Variants in MPPED2 observed in about 807,000 individuals in gnomAD.
MPPED2 encodes metallophosphoesterase domain containing 2, also known as metallophosphoesterase MPPED2.
Under a neutral mutation model 33.0 loss-of-function variants are expected in MPPED2, and 5 were observed. The ratio of observed to expected loss-of-function variants is 0.15; its 90% CI spans 0.08 to 0.32. The LOEUF (loss-of-function observed/expected upper bound fraction) is 0.32. MPPED2 is among the 10% of genes least tolerant of loss of function. The pLI is 1.00. For synonymous variants in MPPED2, 136 were observed against 141.9 expected (o/e 0.96, Z 0.29); for missense variants, 275 against 372.1 (o/e 0.74, Z 2.15).
At chr11:30,479,073 G>A (rs552290486) in intron 4 of MPPED2, among the ~76,000 whole-genome samples, 1 of 152,146 alleles carries the variant, frequency 6.6e-6, no homozygotes, top group South Asian at 2.1e-4. Context: ...TTCCCAGAGG[G>A]CCTGGACAAG....
chr11:30,419,934 T>TA (rs1948538851), intron 4 of MPPED2, among the ~76,000 whole-genome samples: 1 of 152,172 alleles, frequency 6.6e-6, no homozygotes, highest in Non-Finnish European at 1.5e-5. Context: ...TAAGGGCCAA[T>TA]AAAATCTTGT....
At chr11:30,529,812 C>T (rs1423458863) in intron 3 of MPPED2, among the ~76,000 whole-genome samples, 4 of 152,156 alleles carry the variant, frequency 2.6e-5, no homozygotes, top group South Asian at 4.1e-4. Context: ...TGTCTGCAAT[C>T]TGGGATGTTG....
intron 3 of MPPED2, among the ~76,000 whole-genome samples, chr11:30,521,835 C>T (rs1953893266): frequency 6.6e-6 from 1 of 152,076 alleles, no homozygotes; most frequent in Non-Finnish European, 1.5e-5. Context: ...AGATACTGCC[C>T]CTTGGAGCTC....
At chr11:30,429,643 G>A (rs1043936686) in intron 4 of MPPED2, among the ~76,000 whole-genome samples, 7 of 152,232 alleles carry the variant, frequency 4.6e-5, no homozygotes, top group Admixed American at 2.6e-4. Flanking sequence ...CTGGCAGGGC[G>A]CTCTGGGGAG....
intron 4 of MPPED2, among the ~76,000 whole-genome samples, chr11:30,435,168 T>C (rs1038509324): frequency 2.0e-5 from 3 of 152,218 alleles, no homozygotes; most frequent in Admixed American, 6.5e-5. Context: ...TTCCTTATTT[T>C]GCCAGTGTTT....
chr11:30,550,410 T>C (rs1186019927), intron 2 of MPPED2, among the ~76,000 whole-genome samples: 1 of 152,182 alleles, frequency 6.6e-6, no homozygotes, highest in Non-Finnish European at 1.5e-5. Flanking sequence ...AAATGTTTGC[T>C]TCCAGAGCCA....
intron 4 of MPPED2, among the ~76,000 whole-genome samples, chr11:30,480,900 C>A (rs939112442): frequency 3.9e-5 from 6 of 152,140 alleles, no homozygotes; most frequent in African/African-American, 1.2e-4. Context: ...CACACTCTAT[C>A]TCCACAGGTA....
intron 4 of MPPED2, among the ~76,000 whole-genome samples, chr11:30,424,031 T>TTCGCTCAC (rs1303493515): frequency 5.9e-5 from 9 of 152,282 alleles, no homozygotes; most frequent in African/African-American, 1.9e-4. Context: ...CAGAAAGCCA[T>TTCGCTCAC]TCGCTCACTC....
chr11:30,425,228 C>CT (rs1565054526), intron 4 of MPPED2, among the ~76,000 whole-genome samples: 2 of 152,130 alleles, frequency 1.3e-5, no homozygotes, highest in Non-Finnish European at 2.9e-5. Flanking sequence ...ACGTGGACAT[C>CT]TTTACAAACA....
At chr11:30,398,741 A>AC (rs1947868774) in intron 6 of MPPED2, among the ~76,000 whole-genome samples, 1 of 152,180 alleles carries the variant, frequency 6.6e-6, no homozygotes, top group African/African-American at 2.4e-5. Context: ...CCTTAATATC[A>AC]GAAAAAAACT....
chr11:30,451,606 C>G, intron 4 of MPPED2: 1 of 773,268 alleles, frequency 1.3e-6, no homozygotes, highest in Non-Finnish European at 1.6e-6. Context: ...CACCCTCACT[C>G]TCACTCCATG....
chr11:30,384,744 C>A (rs1040395452), exon 7 of MPPED2: 1 of 152,150 alleles, frequency 6.6e-6, no homozygotes, highest in Admixed American at 6.6e-5. Context: ...CATGAGCCAC[C>A]GCGCCTGGCC....
At chr11:30,436,704 G>C (rs475532) in intron 4 of MPPED2, among the ~76,000 whole-genome samples, 13,630 of 152,150 alleles carry the variant, frequency 0.09, 780 homozygotes, top group South Asian at 0.24. Flanking sequence ...ATTTATATTT[G>C]TTCTTCAAAC....
chr11:30,397,031 T>TAA (rs1253230069), intron 6 of MPPED2, among the ~76,000 whole-genome samples: 1 of 152,188 alleles, frequency 6.6e-6, no homozygotes, highest in Non-Finnish European at 1.5e-5. Flanking sequence ...TCAAGGCTTA[T>TAA]ATTCTGTTCT....
At chr11:30,491,602 A>G (rs1254733279) in intron 4 of MPPED2, among the ~76,000 whole-genome samples, 1 of 152,208 alleles carries the variant, frequency 6.6e-6, no homozygotes, top group African/African-American at 2.4e-5. Flanking sequence ...CATAACAACC[A>G]TGAAACCGTA....
At chr11:30,559,625 CCTTCAAAGTCTTATAGAAAAAATTATAAG>C (rs1309072371) in intron 2 of MPPED2, among the ~76,000 whole-genome samples, 1 of 152,064 alleles carries the variant, frequency 6.6e-6, no homozygotes, top group Non-Finnish European at 1.5e-5. Flanking sequence ...TTGCGTATCT[CCTTCAAAGTCTTATAGAAAAAATTATAAG>C]CTATGTTTGA....
At chr11:30,414,683 T>G (rs565705380) in intron 5 of MPPED2, among the ~76,000 whole-genome samples, 1 of 152,192 alleles carries the variant, frequency 6.6e-6, no homozygotes, top group Non-Finnish European at 1.5e-5. Flanking sequence ...TCTCCCTCAA[T>G]TCAGTTACTT....
intron 2 of MPPED2, among the ~76,000 whole-genome samples, chr11:30,576,520 A>G (rs1459968582): frequency 2.0e-5 from 3 of 152,178 alleles, no homozygotes; most frequent in Non-Finnish European, 4.4e-5. Context: ...GGGGATTTCA[A>G]TGCTAAAACT....
At chr11:30,566,687 C>T (rs192892633) in intron 2 of MPPED2, among the ~76,000 whole-genome samples, 1 of 152,128 alleles carries the variant, frequency 6.6e-6, no homozygotes, top group Admixed American at 6.6e-5. Flanking sequence ...GACAGAGTCT[C>T]CAGAACATGC....
Sources: gnomAD v4.1 joint callset for allele counts (sites outside exome capture counted in the v4.1 genomes callset) on GRCh38, gnomAD v4.1.1 for gene constraint, MANE v1.5 for transcripts, NCBI Gene and HGNC (gene_info 2026-07-23, HGNC 2026-07-21) for gene names.